Variants in ANKFN1 observed in about 807,000 individuals in gnomAD.
The protein encoded by ANKFN1 is ankyrin repeat and fibronectin type-III domain-containing protein 1.
ANKFN1 carries 74 observed loss-of-function variants against 108.7 expected under a neutral mutation model. The ratio of observed to expected loss-of-function variants is 0.68; its 90% CI spans 0.56 to 0.83. The LOEUF (loss-of-function observed/expected upper bound fraction) is 0.83, where lower values mean the gene tolerates loss of function less well. ANKFN1 is among the 40% of genes least tolerant of loss of function. The probability of loss-of-function intolerance (pLI) is 0.00; values close to 1 mark genes in which losing one functional copy is unlikely to be tolerated. For missense variants in ANKFN1, 1,505 were observed against 1,382.3 expected, an observed-to-expected ratio of 1.09 and a Z score of -1.41; for synonymous variants, 547 against 516.2, an observed-to-expected ratio of 1.06 and a Z score of -0.81.
intron 4 of ANKFN1, among the ~76,000 whole-genome samples, chr17:56,090,967 A>G (rs1905403685): frequency 6.6e-6 from 1 of 151,194 alleles, no homozygotes; most frequent in Admixed American, 6.6e-5. Context: ...TGCAAAAAGT[A>G]TGAGGAATTC....
At chr17:56,281,127 A>G (rs1724002637) in intron 3 of ANKFN1, among the ~76,000 whole-genome samples, 2 of 152,228 alleles carry the variant, frequency 1.3e-5, no homozygotes, top group African/African-American at 4.8e-5. Context: ...TGTCTTTATC[A>G]GCAGCATGAA....
At chr17:56,284,575 AG>A (rs1278045304) in intron 3 of ANKFN1, among the ~76,000 whole-genome samples, 2 of 152,216 alleles carry the variant, frequency 1.3e-5, no homozygotes, top group Non-Finnish European at 2.9e-5. Context: ...GGAAACCATT[AG>A]AGTACAAAGC....
intron 3 of ANKFN1, among the ~76,000 whole-genome samples, chr17:56,314,747 C>T (rs568332601): frequency 2.0e-4 from 31 of 152,262 alleles, no homozygotes; most frequent in African/African-American, 5.8e-4. Flanking sequence ...CTTTTTCCTA[C>T]AATGGTTCTC....
intron 4 of ANKFN1, among the ~76,000 whole-genome samples, chr17:56,082,491 T>C (rs1905261122): frequency 6.6e-6 from 1 of 151,872 alleles, no homozygotes; most frequent in Non-Finnish European, 1.5e-5. Flanking sequence ...GAATTTATTA[T>C]ATAAAATGAA....
At chr17:56,214,752 C>A (rs923842783) in intron 2 of ANKFN1, among the ~76,000 whole-genome samples, 1 of 152,178 alleles carries the variant, frequency 6.6e-6, no homozygotes, top group Admixed American at 6.5e-5. Context: ...TTCTCTCAGA[C>A]CTCTGGAATA....
At chr17:56,062,559 CTTTTTT>C (rs3085080) in intron 4 of ANKFN1, among the ~76,000 whole-genome samples, 5 of 134,514 alleles carry the variant, frequency 3.7e-5, no homozygotes, top group African/African-American at 1.5e-4. Context: ...GTAATCTCTG[CTTTTTT>C]TTTTTTTTCT....
At chr17:56,415,273 G>A (rs765993268) in intron 8 of ANKFN1, among the ~76,000 whole-genome samples, 7 of 152,150 alleles carry the variant, frequency 4.6e-5, no homozygotes, top group Non-Finnish European at 1.0e-4. Context: ...AATTATCCTT[G>A]TTGGCAGGTG....
At position 56,454,143 on chromosome 17, in the gene ANKFN1, C is replaced by T. The variant is rs531887330; in HGVS notation, c.1208-2718C>T. Among the ~76,000 whole-genome samples, 178 of 152,210 alleles carry T rather than the reference C, an allele frequency of 1.2e-3. 1 individual carries two copies. Among genetic ancestry groups the T allele is most frequent in the Middle Eastern group, 3.4e-3 (1 of 294 alleles). ...ATTCAGATTTTGGTTCTCCCACATT[C>T]GTCCTTCAATTTTATTTTCTTTTTT... On this transcript the variant is annotated intron_variant, in intron 11 of 20. Coordinates refer to ENST00000682825, the MANE Select transcript of ANKFN1 (RefSeq NM_001370326.1).
Position 56,093,426 on chromosome 17 carries a change from A to G in ANKFN1, c.288+47101A>G, listed in dbSNP as rs1388113433. 2.0e-5 allele frequency among the ~76,000 whole-genome samples: 3 copies of G among 151,136 alleles called. No homozygotes were observed. The East Asian group carries it at 5.8e-4, about 29-fold the overall frequency. ...CCAGTGGCTCCAGAGACACTGGCATATAGGGAAGATTTTAAGCATCAGGCA... is the reference window on the plus strand; with the variant it reads ...CCAGTGGCTCCAGAGACACTGGCATGTAGGGAAGATTTTAAGCATCAGGCA... On this transcript the variant is annotated intron_variant, in intron 4 of 12. Coordinates refer to the ANKFN1 transcript ENST00000635860.
chr17:56,147,459 A>G (rs1388949341), intron 4 of ANKFN1, among the ~76,000 whole-genome samples: 1 of 152,238 alleles, frequency 6.6e-6, no homozygotes, highest in Non-Finnish European at 1.5e-5. Context: ...GCCTCAGGAA[A>G]CTTACAATCA....
Position 56,153,513 on chromosome 17 carries a change from G to C in ANKFN1, c.-88G>C, listed in dbSNP as rs143623822. 3.5e-5 allele frequency: 57 copies of C among 1,614,100 alleles called. No homozygotes were observed. Among genetic ancestry groups the C allele is most frequent in the Middle Eastern group, 3.3e-4 (2 of 6,058 alleles). Reference sequence around the variant, plus strand: ...AGAGCTCAGTCCTGTGTCTCTCATGGAGGCGTCTCTAACCAGGGTAGGAAA... The same window carrying C: ...AGAGCTCAGTCCTGTGTCTCTCATGCAGGCGTCTCTAACCAGGGTAGGAAA... On this transcript the variant is annotated 5_prime_UTR_variant, in exon 1 of 21. Transcript: ENST00000682825.
At chr17:56,193,339 A>T (rs1913174696) in intron 1 of ANKFN1, among the ~76,000 whole-genome samples, 1 of 149,132 alleles carries the variant, frequency 6.7e-6, no homozygotes, top group Non-Finnish European at 1.5e-5. Flanking sequence ...CCAGCATGGC[A>T]CATGTATACA....
intron 4 of ANKFN1, among the ~76,000 whole-genome samples, chr17:56,100,740 G>T (rs1418861308): frequency 6.6e-6 from 1 of 152,134 alleles, no homozygotes; most frequent in African/African-American, 2.4e-5. Flanking sequence ...TTAGACCTGA[G>T]CATCCTCAGG....
chr17:56,391,216 T>C lies in ANKFN1; in HGVS notation c.910+16502T>C, dbSNP rs916836077. On this transcript the variant is annotated intron_variant, in intron 8 of 20. Transcript: ENST00000682825. Reference sequence around the variant, plus strand: ...CAGGGTGAAGGCCCAAGAATACATATATATATATATATATATATATATATA... The same window carrying C: ...CAGGGTGAAGGCCCAAGAATACATACATATATATATATATATATATATATA... Among the ~76,000 whole-genome samples, 8 of 15,930 alleles carry C rather than the reference T, an allele frequency of 5.0e-4. No homozygotes were observed. In the South Asian group the frequency reaches 0.014, roughly 28 times the overall value. The allele number at this position is 15,930 out of a possible 152,430, so 10.5% of individuals were successfully genotyped here. A position where few individuals can be genotyped will look rare whatever the true frequency, so the allele number is the denominator to read the frequency against.
chr17:56,093,180 C>T (rs1905452724), intron 4 of ANKFN1, among the ~76,000 whole-genome samples: 1 of 151,146 alleles, frequency 6.6e-6, no homozygotes, highest in Admixed American at 6.6e-5. Flanking sequence ...TCCTAAGATT[C>T]TGCTTTCCAC....
At chr17:56,120,705 C>A (rs1906563952) in intron 4 of ANKFN1, among the ~76,000 whole-genome samples, 1 of 152,158 alleles carries the variant, frequency 6.6e-6, no homozygotes, top group Non-Finnish European at 1.5e-5. Flanking sequence ...ACAACTTCAA[C>A]TGTCTTCTTG....
intron 18 of ANKFN1, among the ~76,000 whole-genome samples, chr17:56,482,967 A>G (rs1020410226): frequency 1.3e-5 from 2 of 152,084 alleles, no homozygotes; most frequent in Non-Finnish European, 2.9e-5. Flanking sequence ...AACCAGAGAA[A>G]AAAATAATAA....
chr17:56,271,728 T>TA (rs144425177), intron 3 of ANKFN1, among the ~76,000 whole-genome samples: 3,934 of 152,224 alleles, frequency 0.026, 181 homozygotes, highest in African/African-American at 0.09. Context: ...CTTGATGCTA[T>TA]AAGACAAGTT....
chr17:56,442,698 T>G (rs1568004873), intron 9 of ANKFN1, 145 bp from the exon 10 acceptor site: 2 of 582,600 alleles, frequency 3.4e-6, no homozygotes, highest in African/African-American at 3.8e-5. Flanking sequence ...ATAGTTCTGT[T>G]GCCCATGAAC....
Sources: gnomAD v4.1 joint callset for allele counts (sites outside exome capture counted in the v4.1 genomes callset) on GRCh38, gnomAD v4.1.1 for gene constraint, MANE v1.5 for transcripts, NCBI Gene and HGNC (gene_info 2026-07-23, HGNC 2026-07-21) for gene names.